BRF1: variants seen among roughly 807,000 people sequenced by gnomAD.
The protein encoded by BRF1 is transcription factor IIIB 90 kDa subunit.
Under a neutral mutation model 81.7 loss-of-function variants are expected in BRF1, and 59 were observed. That is an observed-to-expected ratio of 0.72 (90% CI 0.59 to 0.90). The LOEUF is 0.90. Among genes scored for constraint, BRF1 ranks in the 40% least tolerant of loss-of-function variants. BRF1 has a pLI of 0.00. For missense variants in BRF1, 1,050 were observed against 936.3 expected (o/e 1.12, Z -1.58); for synonymous variants, 491 against 395.6 (o/e 1.24, Z -2.86).
At chr14:105,214,202 G>T (rs967973957) in intron 15 of BRF1, among the ~76,000 whole-genome samples, 4 of 152,054 alleles carry the variant, frequency 2.6e-5, no homozygotes, top group Non-Finnish European at 5.9e-5. Flanking sequence ...CTCATCTGGT[G>T]GGCCCCCACT....
chr14:105,211,069 A>G, intron 17 of BRF1, 53 bp downstream of exon 17: 1 of 1,598,318 alleles, frequency 6.3e-7, no homozygotes, highest in South Asian at 1.1e-5. Flanking sequence ...GAGGGGCAGT[A>G]GCTGATGCCT....
chr14:105,291,152 G>T (rs1439853173), intron 1 of BRF1, among the ~76,000 whole-genome samples: 1 of 152,178 alleles, frequency 6.6e-6, no homozygotes. Flanking sequence ...CTGCCCCCCT[G>T]TGTACAGCAA....
chr14:105,245,831 A>G (rs1421698419), intron 5 of BRF1, among the ~76,000 whole-genome samples: 1 of 152,224 alleles, frequency 6.6e-6, no homozygotes, highest in Non-Finnish European at 1.5e-5. Context: ...AGAAGAAAAC[A>G]AAGGGAAAGA....
intron 2 of BRF1, among the ~76,000 whole-genome samples, chr14:105,277,697 G>A (rs1266212694): frequency 6.6e-6 from 1 of 152,228 alleles, no homozygotes; most frequent in African/African-American, 2.4e-5. Context: ...TTCTGTTACA[G>A]CAGCCCAAAA....
intron 12 of BRF1, chr14:105,219,865 C>A: frequency 1.6e-6 from 1 of 617,550 alleles, no homozygotes; most frequent in South Asian, 2.0e-5. Flanking sequence ...GGCCTCTCGA[C>A]AGGCCGCCCC....
At chr14:105,215,604 C>T (rs1891017237) in intron 15 of BRF1, among the ~76,000 whole-genome samples, 1 of 147,190 alleles carries the variant, frequency 6.8e-6, no homozygotes, top group Non-Finnish European at 1.5e-5. Context: ...ACACACACTG[C>T]ATACACAGAA....
chr14:105,240,952 G>T (rs1023486394), intron 6 of BRF1, among the ~76,000 whole-genome samples: 12 of 152,190 alleles, frequency 7.9e-5, no homozygotes, highest in Non-Finnish European at 1.3e-4. Flanking sequence ...CGCGTCAGAA[G>T]CCGGGCCCCA....
At chr14:105,291,273 G>A (rs587685252) in intron 1 of BRF1, among the ~76,000 whole-genome samples, 6 of 152,312 alleles carry the variant, frequency 3.9e-5, no homozygotes, top group Non-Finnish European at 8.8e-5. Context: ...ACAGAAAGGC[G>A]GGCCAGGGGC....
intron 1 of BRF1, among the ~76,000 whole-genome samples, chr14:105,294,875 C>T (rs587750328): frequency 1.5e-4 from 23 of 152,282 alleles, no homozygotes; most frequent in African/African-American, 4.8e-4. Flanking sequence ...GCTAATTCAC[C>T]CCAGGTGAAA....
At position 105,315,335 on chromosome 14, in the gene BRF1, A is replaced by G. The variant is rs2058541056; in HGVS notation, c.-175T>C. 6.5e-6 allele frequency: 1 copy of G among 153,312 alleles called. No homozygotes were observed. Among genetic ancestry groups the G allele is most frequent in the Middle Eastern group, 3.3e-3 (1 of 300 alleles). 9.5% of individuals were successfully genotyped at this position (153,312 alleles called of 1,614,324 possible). The stretch of plus-strand genomic sequence containing the variant: ...GGCGGCGCTCACCTGGCTCGCCGCA[A>G]CCGCACCTGCACACCTGCCTCAATG... On this transcript the variant is annotated 5_prime_UTR_variant, in exon 1 of 18. Coordinates refer to the BRF1 transcript ENST00000327359. This position sits in a 1 kb window ranked among gnomAD's most constrained non-coding sequence, Gnocchi z 4.4.
Position 105,267,465 on chromosome 14 carries a change from A to ATT in BRF1, c.439+5254_439+5255dup, listed in dbSNP as rs113422074. Among the ~76,000 whole-genome samples the ATT allele has an allele frequency of 2.3e-3, 345 of 147,408 alleles. 2 individuals are homozygous for ATT. The highest frequency in any genetic ancestry group is 2.1e-3 in the Non-Finnish European group (139 of 66,538). On this transcript the variant is annotated intron_variant, in intron 3 of 17. Coordinates refer to ENST00000547530, the MANE Select transcript of BRF1 (RefSeq NM_001519.4). The stretch of plus-strand genomic sequence containing the variant: ...ACCACAGGTACACACCACCAGCTGG[A>ATT]TTTTTTTTTTTGTTTTCTTTTTCTT...
rs912912489 is a variant in BRF1, at chr14:105,269,872, C to T, written c.439+2849G>A. On this transcript the variant is annotated intron_variant, in intron 3 of 17. Coordinates refer to ENST00000547530, the MANE Select transcript of BRF1 (RefSeq NM_001519.4). The surrounding 1 kb of genome is among the most constrained non-coding windows in gnomAD (Gnocchi z 5.0). The stretch of plus-strand genomic sequence containing the variant: ...GCCCTGCTCCACAGCAGTCCCCACA[C>T]AGCTCCTACAAACACAAGGGAGGCA... Among the ~76,000 whole-genome samples the T allele has an allele frequency of 7.2e-5, 11 of 152,238 alleles. No homozygotes were observed. Among genetic ancestry groups the T allele is most frequent in the African/African-American group, 2.4e-4 (10 of 41,464 alleles).
intron 10 of BRF1, among the ~76,000 whole-genome samples, chr14:105,224,886 A>T (rs1435123765): frequency 1.3e-5 from 2 of 152,210 alleles, no homozygotes; most frequent in Admixed American, 1.3e-4. Flanking sequence ...ATGTGTTCCA[A>T]TACAAGATTC....
In BRF1 at chr14:105,211,000, C is replaced by A. The variant is rs1426640570; in HGVS notation, c.1996+122G>T. Reference sequence around the variant, plus strand: ...TTACAAAATGTCTTAGTTCAAATTTCTTTCCAGGGAGAAACAGAAATTTAG... The same window carrying A: ...TTACAAAATGTCTTAGTTCAAATTTATTTCCAGGGAGAAACAGAAATTTAG... On this transcript the variant is annotated intron_variant, in intron 17 of 17. Transcript: ENST00000547530. The surrounding 1 kb of genome is among the most constrained non-coding windows in gnomAD (Gnocchi z 4.7). 1 of 1,486,484 alleles carries A rather than the reference C, an allele frequency of 6.7e-7. No individual in the cohort carries two copies. The highest frequency in any genetic ancestry group is 2.3e-5 in the East Asian group (1 of 43,638). 92.1% of individuals were successfully genotyped at this position (1,486,484 alleles called of 1,614,324 possible). A position where few individuals can be genotyped will look rare whatever the true frequency, so the allele number is the denominator to read the frequency against.
rs971450744 is a variant in BRF1 at position 105,220,182 on chromosome 14, A to G, written c.1316-52T>C. 3.1e-6 allele frequency: 5 copies of G among 1,606,922 alleles called. No homozygotes were observed. In the African/African-American group the frequency reaches 6.7e-5, roughly 21 times the overall value. The stretch of plus-strand genomic sequence containing the variant: ...ACTCAGGGCCAGCACTGATTATAGG[A>G]GCGTGGCCACCACCTGGGCTGGCTC... On this transcript the variant is annotated intron_variant, in intron 11 of 17. Transcript: ENST00000547530.
chr14:105,214,676 T>C (rs1382751156), intron 15 of BRF1, among the ~76,000 whole-genome samples: 2 of 151,740 alleles, frequency 1.3e-5, no homozygotes, highest in Non-Finnish European at 2.9e-5. Flanking sequence ...AGAAAGGGGG[T>C]GCAGCTCAGG....
At chr14:105,259,779 G>C (rs911677902) in intron 3 of BRF1, among the ~76,000 whole-genome samples, 1 of 152,170 alleles carries the variant, frequency 6.6e-6, no homozygotes, top group Non-Finnish European at 1.5e-5. Context: ...ACATGGTGGC[G>C]TGCCCCTGTA....
intron 15 of BRF1, 57 bp from the exon 16 acceptor site, chr14:105,212,221 C>T: frequency 6.4e-7 from 1 of 1,573,444 alleles, no homozygotes; most frequent in African/African-American, 1.3e-5. Context: ...CGCCTGCCCA[C>T]TTGTTCCCTT....
intron 1 of BRF1, among the ~76,000 whole-genome samples, chr14:105,294,199 G>C (rs893961150): frequency 6.6e-6 from 1 of 152,170 alleles, no homozygotes; most frequent in Admixed American, 6.5e-5. Flanking sequence ...CGGTCCCCAG[G>C]GGCTAAGAAC....
Sources: allele counts gnomAD v4.1 joint callset (sites outside exome capture counted in the v4.1 genomes callset), GRCh38; gene constraint gnomAD v4.1.1; non-coding constraint Gnocchi (gnomAD v3.1); transcripts MANE v1.5; gene names NCBI Gene and HGNC (gene_info 2026-07-23, HGNC 2026-07-21).